Variants in ZFHX3 observed in about 807,000 individuals in gnomAD.
ZFHX3 encodes the protein zinc finger homeobox protein 3.
ZFHX3 carries 42 observed loss-of-function variants against 279.1 expected under a neutral mutation model. The observed-to-expected ratio is 0.15, with a 90% confidence interval of 0.12 to 0.19. ZFHX3 has a LOEUF of 0.19. Ranked by LOEUF, ZFHX3 falls within the 10% of genes least tolerant of loss-of-function variation. The pLI is 1.00. For synonymous variants in ZFHX3, 2,293 were observed against 1,957.8 expected, an observed-to-expected ratio of 1.17 and a Z score of -4.52; for missense variants, 4,981 against 4,754.0, an observed-to-expected ratio of 1.05 and a Z score of -1.40.
intron 4 of ZFHX3, among the ~76,000 whole-genome samples, chr16:72,873,445 C>A (rs1321225754): frequency 1.3e-5 from 2 of 152,176 alleles, no homozygotes; most frequent in African/African-American, 4.8e-5. Context: ...TACGTTCTTT[C>A]ATTTTATCTT....
intron 1 of ZFHX3, among the ~76,000 whole-genome samples, chr16:73,682,814 GAGAA>G (rs1442439788): frequency 5.6e-4 from 79 of 140,602 alleles, no homozygotes; most frequent in African/African-American, 2.1e-3. Context: ...GAAAGAAAGA[GAGAA>G]AGAGAAAAGG....
At chr16:73,475,262 T>C (rs937526747) in intron 2 of ZFHX3, among the ~76,000 whole-genome samples, 1 of 152,242 alleles carries the variant, frequency 6.6e-6, no homozygotes, top group Non-Finnish European at 1.5e-5. Flanking sequence ...TTCGTGGACT[T>C]ACAAAATAAT....
intron 1 of ZFHX3, among the ~76,000 whole-genome samples, chr16:73,866,151 C>T (rs1457904546): frequency 1.3e-5 from 2 of 149,522 alleles, no homozygotes; most frequent in African/African-American, 2.5e-5. Flanking sequence ...TACAGGTGCA[C>T]ACCACTATGC....
At chr16:73,426,375 A>G (rs188585337) in intron 3 of ZFHX3, among the ~76,000 whole-genome samples, 1 of 152,346 alleles carries the variant, frequency 6.6e-6, no homozygotes, top group African/African-American at 2.4e-5. Flanking sequence ...GTAAAGGTCA[A>G]AAACTAAAAT....
chr16:72,788,446 G>A lies in ZFHX3; in HGVS notation c.9830C>T (p.Pro3277Leu), dbSNP rs990041797. Residue 3277 changes from proline (P) to leucine (L), a missense_variant, in exon 10 of 10, where the codon CCC becomes CTC. By Grantham distance (98) the Pro-to-Leu change is moderately conservative (BLOSUM62 -3). This residue lies in a region of ZFHX3 where 1,034 missense variants were observed against 786.0 expected (regional missense o/e 1.32). Coordinates refer to ENST00000268489, the MANE Select transcript of ZFHX3 (RefSeq NM_006885.4). The stretch of plus-strand genomic sequence containing the variant: ...AGGGTCTACCGCATACTCCATGGTG[G>A]GCAGCGGGGCTGAGATCGTGGCTGC... Reference protein sequence around the residue: ...ATAATISAPLPTMEYAVDPAQ... With the variant: ...ATAATISAPLLTMEYAVDPAQ... 2.5e-6 allele frequency: 4 copies of A among 1,614,236 alleles called. No individual in the cohort carries two copies. Among genetic ancestry groups the A allele is most frequent in the South Asian group, 1.1e-5 (1 of 91,088 alleles).
chr16:73,717,049 T>C (rs2053422956), intron 1 of ZFHX3, among the ~76,000 whole-genome samples: 1 of 151,518 alleles, frequency 6.6e-6, no homozygotes, highest in South Asian at 2.1e-4. Flanking sequence ...GCAGAAAAAA[T>C]AAAAGAAGAA....
intron 2 of ZFHX3, among the ~76,000 whole-genome samples, chr16:73,469,464 C>G (rs1405984075): frequency 1.3e-5 from 2 of 152,062 alleles, no homozygotes; most frequent in Non-Finnish European, 2.9e-5. Flanking sequence ...TGGATCTACT[C>G]TAAGGATTAG....
intron 2 of ZFHX3, among the ~76,000 whole-genome samples, chr16:73,610,912 A>T (rs1299976513): frequency 1.3e-5 from 2 of 152,214 alleles, no homozygotes; most frequent in East Asian, 1.9e-4. Flanking sequence ...GGCTTAGGAC[A>T]GCACCGCAGA....
intron 4 of ZFHX3, among the ~76,000 whole-genome samples, chr16:73,314,076 G>C (rs1431761742): frequency 6.6e-6 from 1 of 152,182 alleles, no homozygotes; most frequent in African/African-American, 2.4e-5. Context: ...TCCAGCCTGG[G>C]CAACAGAGAG....
At chr16:73,764,922 A>G (rs2053913308) in intron 1 of ZFHX3, among the ~76,000 whole-genome samples, 1 of 152,206 alleles carries the variant, frequency 6.6e-6, no homozygotes, top group Non-Finnish European at 1.5e-5. Flanking sequence ...TGTGTCCTCT[A>G]GAAGTCAATG....
Position 73,113,396 on chromosome 16 carries a change from C to A in ZFHX3, c.-897+17572G>T, listed in dbSNP as rs531446412. On this transcript the variant is annotated intron_variant, in intron 7 of 17. Transcript: ENST00000641206. ...AAAGGCCTGAGGAAGTACAAAAATTCCTGCCAGCTTTCATAAAGCTGCCTC... is the reference window on the plus strand; with the variant it reads ...AAAGGCCTGAGGAAGTACAAAAATTACTGCCAGCTTTCATAAAGCTGCCTC... Among the ~76,000 whole-genome samples the A allele has an allele frequency of 3.7e-4, 57 of 152,288 alleles. 1 individual carries two copies. The highest frequency in any genetic ancestry group is 1.2e-3 in the African/African-American group (48 of 41,562).
At chr16:73,237,922 AT>A (rs1326144008) in intron 5 of ZFHX3, among the ~76,000 whole-genome samples, 1 of 151,950 alleles carries the variant, frequency 6.6e-6, no homozygotes. Context: ...CATTTGTACT[AT>A]TTTTACTTCT....
intron 2 of ZFHX3, chr16:73,609,437 G>C (rs1350673340): frequency 2.0e-5 from 3 of 152,126 alleles, no homozygotes; most frequent in Non-Finnish European, 4.4e-5. Context: ...TAAGAAGAGC[G>C]GACTAGAAAT....
chr16:73,453,172 T>C (rs1220543865), intron 3 of ZFHX3, among the ~76,000 whole-genome samples: 1 of 152,248 alleles, frequency 6.6e-6, no homozygotes, highest in Non-Finnish European at 1.5e-5. Flanking sequence ...GTGTGTTGAC[T>C]GATTGAATTA....
At position 72,797,457 on chromosome 16, in the gene ZFHX3, G is replaced by T; in HGVS notation, c.5225C>A (p.Ala1742Glu). 1.2e-6 allele frequency: 2 copies of T among 1,602,730 alleles called. No individual in the cohort carries two copies. Among genetic ancestry groups the T allele is most frequent in the Non-Finnish European group, 1.7e-6 (2 of 1,173,566 alleles). The change falls in exon 9 of 10, where the codon GCA (alanine) becomes GAA (glutamate). Residue 1742 changes from alanine (A) to glutamate (E), a missense_variant. Coordinates refer to ENST00000268489, the MANE Select transcript of ZFHX3 (RefSeq NM_006885.4). The part of the protein sequence containing the change: ...QQQQQQQQQQ[A>E]QTLAQAQAQV... The stretch of plus-strand genomic sequence containing the variant: ...AGCCTGGGCCTGGGCCAGCGTTTGT[G>T]CTTGTTGTTGTTGTTGTTGTTGTTG...
At chr16:73,270,837 C>G (rs757650077) in intron 4 of ZFHX3, among the ~76,000 whole-genome samples, 9 of 152,156 alleles carry the variant, frequency 5.9e-5, no homozygotes, top group Non-Finnish European at 1.3e-4. Flanking sequence ...CTGGGAGGTC[C>G]TCGGAGTTCT....
chr16:73,169,543 G>C (rs1967470263), intron 5 of ZFHX3, among the ~76,000 whole-genome samples: 1 of 152,106 alleles, frequency 6.6e-6, no homozygotes, highest in African/African-American at 2.4e-5. Context: ...TCAGGAGGCT[G>C]AGTCAGGAGA....
intron 3 of ZFHX3, chr16:73,421,242 A>G (rs2017712629): frequency 6.6e-6 from 1 of 152,246 alleles, no homozygotes; most frequent in South Asian, 2.1e-4. Flanking sequence ...TGCAGCTTTC[A>G]CGGGGCACTG....
At chr16:72,863,785 C>T (rs191466292) in intron 4 of ZFHX3, among the ~76,000 whole-genome samples, 147 of 152,100 alleles carry the variant, frequency 9.7e-4, no homozygotes, top group Admixed American at 2.4e-3. Flanking sequence ...TCTGCTGGTT[C>T]ATGCTCTACT....
Sources: allele counts gnomAD v4.1 joint callset (sites outside exome capture counted in the v4.1 genomes callset), GRCh38; gene constraint gnomAD v4.1.1; regional missense constraint gnomAD v4.1.1; transcripts MANE v1.5; gene names NCBI Gene and HGNC (gene_info 2026-07-23, HGNC 2026-07-21).